The following DLGAP2 variants were observed in gnomAD, a reference collection of about 807,000 sequenced individuals.
DLGAP2 encodes the protein disks large-associated protein 2.
DLGAP2 carries 26 observed loss-of-function variants against 100.3 expected under a neutral mutation model. The observed-to-expected ratio is 0.26, with a 90% CI of 0.19 to 0.36. DLGAP2 has a LOEUF of 0.36. Ranked by LOEUF, DLGAP2 falls within the 10% of genes least tolerant of loss-of-function variation. The pLI, the probability that DLGAP2 is intolerant of heterozygous loss-of-function variation, is 1.00. For synonymous variants in DLGAP2, 886 were observed against 630.1 expected (o/e 1.41, Z -6.08); for missense variants, 1,858 against 1,453.2 (o/e 1.28, Z -4.53).
At chr8:1,603,065 AG>A (rs1796678146) in intron 6 of DLGAP2, among the ~76,000 whole-genome samples, 1 of 150,538 alleles carries the variant, frequency 6.6e-6, no homozygotes, top group South Asian at 2.1e-4. Flanking sequence ...GAGCTTGGTT[AG>A]GGTGGAAGCT....
chr8:1,419,017 C>T (rs1176298534), intron 3 of DLGAP2, among the ~76,000 whole-genome samples: 1 of 152,234 alleles, frequency 6.6e-6, no homozygotes, highest in Admixed American at 6.5e-5. Context: ...GCACATGGGG[C>T]GAGGCAGAGG....
chr8:1,664,688 T>C (rs1377299982), intron 8 of DLGAP2, among the ~76,000 whole-genome samples: 2 of 152,168 alleles, frequency 1.3e-5, no homozygotes, highest in African/African-American at 4.8e-5. Context: ...GACCTGGACA[T>C]TCAGTTCAAT....
chr8:1,355,668 C>T (rs901760254), intron 3 of DLGAP2, among the ~76,000 whole-genome samples: 4 of 152,086 alleles, frequency 2.6e-5, no homozygotes, highest in Admixed American at 6.6e-5. Context: ...TGGCCAAGTA[C>T]GAGTATTTTT....
intron 2 of DLGAP2, among the ~76,000 whole-genome samples, chr8:1,237,033 G>A (rs1486661953): frequency 7.0e-6 from 1 of 142,462 alleles, no homozygotes; most frequent in East Asian, 2.1e-4. Context: ...ACAGAGCATC[G>A]TGTCTAGTTC....
At position 1,128,201 on chromosome 8, in the gene DLGAP2, G is replaced by C. The variant is rs184251526; in HGVS notation, c.74-130650G>C. Among the ~76,000 whole-genome samples the C allele has an allele frequency of 2.8e-5, 4 of 144,460 alleles. No homozygotes were observed. In the East Asian group the frequency reaches 6.3e-4, roughly 23 times the overall value. 94.8% of individuals were successfully genotyped at this position (144,460 alleles called of 152,430 possible). ...AGGACCTGCTCCCCGTGTTGTGTTC[G>C]GTGAGGACCTGCTCCCCATGTTGTG... is the stretch of plus-strand genomic sequence containing the variant. On this transcript the variant is annotated intron_variant, in intron 2 of 14. Transcript: ENST00000637795.
chr8:940,649 C>T (rs1224543185), intron 2 of DLGAP2, among the ~76,000 whole-genome samples: 2 of 152,148 alleles, frequency 1.3e-5, no homozygotes, highest in Non-Finnish European at 2.9e-5. Context: ...GAAAGGTTTT[C>T]AGGACAGTTT....
At chr8:927,493 G>A (rs1798842325) in intron 2 of DLGAP2, among the ~76,000 whole-genome samples, 1 of 152,116 alleles carries the variant, frequency 6.6e-6, no homozygotes, top group African/African-American at 2.4e-5. Flanking sequence ...CTGATTTTGA[G>A]GTCCTTAAAG....
At chr8:1,057,176 A>G (rs17668031) in intron 2 of DLGAP2, among the ~76,000 whole-genome samples, 47,929 of 152,206 alleles carry the variant, frequency 0.31, 7,688 homozygotes, top group Middle Eastern at 0.38. Context: ...ACCCTAGGAC[A>G]CACAGTTCCC....
intron 2 of DLGAP2, among the ~76,000 whole-genome samples, chr8:1,023,393 T>C (rs982685775): frequency 1.3e-5 from 2 of 152,124 alleles, no homozygotes; most frequent in African/African-American, 2.4e-5. Flanking sequence ...TGAGGTCTTA[T>C]GATGTTCCCA....
intron 3 of DLGAP2, among the ~76,000 whole-genome samples, chr8:1,392,755 G>A (rs1468198141): frequency 1.3e-5 from 2 of 151,986 alleles, no homozygotes; most frequent in South Asian, 4.1e-4. Context: ...GCACAGTAGT[G>A]ATGCTCATGG....
At chr8:866,640 C>T (rs1797503621) in intron 1 of DLGAP2, among the ~76,000 whole-genome samples, 1 of 152,208 alleles carries the variant, frequency 6.6e-6, no homozygotes, top group South Asian at 2.1e-4. Context: ...TCGGGAAGCG[C>T]TTGCTGCCAC....
At chr8:847,289 C>A (rs918500558) in intron 1 of DLGAP2, among the ~76,000 whole-genome samples, 2 of 152,122 alleles carry the variant, frequency 1.3e-5, no homozygotes, top group African/African-American at 4.8e-5. Flanking sequence ...TTCTTTTGAT[C>A]TATTTAATCT....
At chr8:1,185,418 A>T (rs1463402966) in intron 2 of DLGAP2, among the ~76,000 whole-genome samples, 2 of 152,096 alleles carry the variant, frequency 1.3e-5, no homozygotes, top group Non-Finnish European at 2.9e-5. Flanking sequence ...AAGGCCGGTC[A>T]GCTTTGCCTC....
intron 4 of DLGAP2, among the ~76,000 whole-genome samples, chr8:1,520,168 T>G (rs548851283): frequency 3.3e-5 from 5 of 152,230 alleles, no homozygotes; most frequent in African/African-American, 1.2e-4. Flanking sequence ...TCTGACGAGA[T>G]CAATGGTTCA....
At chr8:1,464,509 AC>A (rs1798564393) in intron 3 of DLGAP2, among the ~76,000 whole-genome samples, 1 of 90,624 alleles carries the variant, frequency 1.1e-5, no homozygotes, top group African/African-American at 4.4e-5. Context: ...CCAGGACGGC[AC>A]CCTTCCAGGA....
intron 3 of DLGAP2, among the ~76,000 whole-genome samples, chr8:1,447,286 T>G (rs1798007362): frequency 6.6e-6 from 1 of 152,238 alleles, no homozygotes; most frequent in Non-Finnish European, 1.5e-5. Context: ...ATTGAGAGTT[T>G]TTAGCATGAA....
At chr8:869,316 A>G (rs1338304192) in intron 1 of DLGAP2, among the ~76,000 whole-genome samples, 2 of 152,160 alleles carry the variant, frequency 1.3e-5, no homozygotes, top group African/African-American at 4.8e-5. Flanking sequence ...AAGTGAGTTG[A>G]AGGTACTTGT....
intron 2 of DLGAP2, among the ~76,000 whole-genome samples, chr8:1,003,683 C>G (rs1055467466): frequency 6.6e-6 from 1 of 152,190 alleles, no homozygotes; most frequent in Admixed American, 6.5e-5. Flanking sequence ...GGCACTCACT[C>G]ACACAGGGCA....
intron 1 of DLGAP2, among the ~76,000 whole-genome samples, chr8:885,850 C>A (rs892210793): frequency 1.3e-5 from 2 of 152,034 alleles, no homozygotes; most frequent in East Asian, 1.9e-4. Flanking sequence ...GGAATATTGG[C>A]CTGAAGTTTT....
Sources: gnomAD v4.1 joint callset for allele counts (sites outside exome capture counted in the v4.1 genomes callset) on GRCh38, gnomAD v4.1.1 for gene constraint, MANE v1.5 for transcripts, NCBI Gene and HGNC (gene_info 2026-07-23, HGNC 2026-07-21) for gene names.